The following SLC25A48 variants were observed in gnomAD, a reference collection of about 807,000 sequenced individuals.
SLC25A48 encodes the protein solute carrier family 25 member 48.
In SLC25A48, 29 loss-of-function variants were observed where a neutral mutation model predicts 32.2. The ratio of observed to expected loss-of-function variants is 0.90; its 90% CI spans 0.67 to 1.23. The LOEUF is 1.23. Among genes scored for constraint, SLC25A48 ranks in the 50% most tolerant of loss-of-function variants. The pLI is 0.00. For synonymous variants in SLC25A48, 164 were observed against 172.3 expected (o/e 0.95, Z 0.38); for missense variants, 399 against 422.7 (o/e 0.94, Z 0.49).
At chr5:135,626,377 T>C (rs1258378951) in intron 1 of SLC25A48, among the ~76,000 whole-genome samples, 1 of 152,248 alleles carries the variant, frequency 6.6e-6, no homozygotes, top group Non-Finnish European at 1.5e-5. Context: ...GAGTCAGTTG[T>C]TTTCAGCATT....
intron 4 of SLC25A48, chr5:135,813,229 A>G (rs2126652861): frequency 6.6e-6 from 1 of 152,536 alleles, no homozygotes; most frequent in Middle Eastern, 3.4e-3. Context: ...TGGGGAAGCC[A>G]CAGGCTAAGA....
chr5:135,733,175 G>A (rs1011105143), intron 3 of SLC25A48, among the ~76,000 whole-genome samples: 3 of 152,180 alleles, frequency 2.0e-5, no homozygotes, highest in African/African-American at 7.2e-5. Context: ...GGTAATGGAG[G>A]GGGGCAGAGC....
At chr5:135,857,896 T>TCCTTAAAGGG in intron 4 of SLC25A48, among the ~76,000 whole-genome samples, 1 of 151,978 alleles carries the variant, frequency 6.6e-6, no homozygotes, top group Non-Finnish European at 1.5e-5. Context: ...CTTAAAGGGA[T>TCCTTAAAGGG]CCTTAAAGGG....
At chr5:135,810,454 C>T (rs576243339) in intron 3 of SLC25A48, among the ~76,000 whole-genome samples, 54 of 152,328 alleles carry the variant, frequency 3.5e-4, no homozygotes, top group African/African-American at 1.2e-3. Context: ...TCTCCCCAGG[C>T]TTTATGCCAC....
At chr5:135,618,696 T>C (rs959253221) in intron 1 of SLC25A48, among the ~76,000 whole-genome samples, 8 of 152,180 alleles carry the variant, frequency 5.3e-5, no homozygotes, top group African/African-American at 1.9e-4. Flanking sequence ...GGTGATGAAT[T>C]TCCTCAGCAT....
chr5:135,696,753 G>A (rs569442229), intron 3 of SLC25A48, among the ~76,000 whole-genome samples: 2 of 152,298 alleles, frequency 1.3e-5, no homozygotes, highest in South Asian at 4.2e-4. Context: ...AGGCCTCCAG[G>A]TATGCTCAGG....
chr5:135,787,373 CGATTTACAACCTGT>C (rs1756874587), intron 3 of SLC25A48, among the ~76,000 whole-genome samples: 1 of 151,696 alleles, frequency 6.6e-6, no homozygotes, highest in Non-Finnish European at 1.5e-5. Flanking sequence ...GTACCACAGT[CGATTTACAACCTGT>C]GATATTAGCA....
At chr5:135,606,788 A>C (rs2126887684) in intron 1 of SLC25A48, among the ~76,000 whole-genome samples, 1 of 152,338 alleles carries the variant, frequency 6.6e-6, no homozygotes, top group East Asian at 1.9e-4. Flanking sequence ...GCCTCTGAAC[A>C]AATCTCCCCA....
intron 3 of SLC25A48, among the ~76,000 whole-genome samples, chr5:135,734,063 C>A (rs75071297): frequency 1.3e-5 from 2 of 152,156 alleles, no homozygotes; most frequent in Admixed American, 6.5e-5. Context: ...GTGTAACAGG[C>A]GAATGATAAC....
At chr5:135,794,795 G>A (rs1757125554) in intron 3 of SLC25A48, among the ~76,000 whole-genome samples, 1 of 151,566 alleles carries the variant, frequency 6.6e-6, no homozygotes, top group Non-Finnish European at 1.5e-5. Context: ...ATATTGCAGG[G>A]GGTAGACACT....
intron 3 of SLC25A48, among the ~76,000 whole-genome samples, chr5:135,792,942 A>G (rs1215023884): frequency 6.7e-6 from 1 of 149,058 alleles, no homozygotes; most frequent in Non-Finnish European, 1.5e-5. Flanking sequence ...GATATTATTC[A>G]TTATGTCACA....
chr5:135,762,690 C>T lies in SLC25A48; in HGVS notation c.-520-49833C>T, dbSNP rs553743162. On this transcript the variant is annotated intron_variant, in intron 3 of 10. Coordinates refer to the SLC25A48 transcript ENST00000646290. ...TGCAGGAGTGTTGAGTATATAAGAA[C>T]GGGAGTGAGAATGAGTGTGTGCGTG... 1.6e-4 allele frequency among the ~76,000 whole-genome samples: 25 copies of T among 151,828 alleles called. No individual in the cohort carries two copies. In the Middle Eastern group the frequency reaches 0.01, roughly 62 times the overall value.
chr5:135,883,481 C>A, intron 7 of SLC25A48: 2 of 985,272 alleles, frequency 2.0e-6, no homozygotes, highest in African/African-American at 1.7e-5. Flanking sequence ...GATGCCTCTG[C>A]CTAGCTTCCA....
intron 7 of SLC25A48, among the ~76,000 whole-genome samples, chr5:135,885,160 T>C (rs2126847050): frequency 6.6e-6 from 1 of 152,276 alleles, no homozygotes; most frequent in East Asian, 1.9e-4. Flanking sequence ...CGTCTGAAAC[T>C]GCTATTGAAG....
At chr5:135,623,603 A>G (rs1447253599) in intron 1 of SLC25A48, among the ~76,000 whole-genome samples, 2 of 152,202 alleles carry the variant, frequency 1.3e-5, no homozygotes, top group African/African-American at 4.8e-5. Context: ...TCTGAGCCTC[A>G]GGCTGCCCTT....
At chr5:135,684,033 G>A (rs1454686179) in intron 3 of SLC25A48, among the ~76,000 whole-genome samples, 1 of 152,074 alleles carries the variant, frequency 6.6e-6, no homozygotes, top group Non-Finnish European at 1.5e-5. Context: ...AGACCCATTC[G>A]GTTTTCTTGA....
chr5:135,765,224 A>G (rs966728346), intron 3 of SLC25A48, among the ~76,000 whole-genome samples: 4 of 151,338 alleles, frequency 2.6e-5, no homozygotes, highest in Non-Finnish European at 4.4e-5. Flanking sequence ...AGGGTGGGAG[A>G]TGGTGATATT....
At chr5:135,611,496 C>CAAAAAAAAAAAAAAAAAAAAA (rs57138043) in intron 1 of SLC25A48, among the ~76,000 whole-genome samples, 28 of 21,344 alleles carry the variant, frequency 1.3e-3, no homozygotes, top group East Asian at 4.5e-3. Context: ...GACTCCATCT[C>CAAAAAAAAAAAAAAAAAAAAA]AAAAAAAAAA....
Position 135,834,889 on chromosome 5 carries a change from C to T in SLC25A48, c.42C>T (p.Ile14=), listed in dbSNP as rs1346428568. Residue 14 remains isoleucine (I), a synonymous_variant, in exon 1 of 8, where the codon ATC becomes ATT. Transcript: ENST00000681962. ...FQLEDFAAGW[I]GGAASVIVGH... ...TGGAAGACTTTGCGGCGGGCTGGAT[C>T]GGAGGTGAGTGTGCTTACCGGGGAC... 2 of 1,602,926 alleles carry T rather than the reference C, an allele frequency of 1.2e-6. No individual in the cohort carries two copies. The highest frequency in any genetic ancestry group is 2.3e-5 in the South Asian group (2 of 88,402).
Sources: allele counts gnomAD v4.1 joint callset (sites outside exome capture counted in the v4.1 genomes callset), GRCh38; gene constraint gnomAD v4.1.1; transcripts MANE v1.5; gene names NCBI Gene and HGNC (gene_info 2026-07-23, HGNC 2026-07-21).